Variants in IGSF5 observed in about 807,000 individuals in gnomAD.
IGSF5 encodes immunoglobulin superfamily 5 like.
IGSF5 carries 41 observed loss-of-function variants against 39.4 expected under a neutral mutation model. That is an observed-to-expected ratio of 1.04 (90% CI 0.81 to 1.35). The LOEUF (loss-of-function observed/expected upper bound fraction) is 1.35, where lower values mean the gene tolerates loss of function less well. Ranked by LOEUF, IGSF5 falls within the 40% of genes most tolerant of loss-of-function variation. The pLI is 0.00. For missense variants in IGSF5, 487 were observed against 494.6 expected (o/e 0.98, Z 0.15); for synonymous variants, 183 against 175.3 (o/e 1.04, Z -0.34).
the IGSF5 span, among the ~76,000 whole-genome samples, chr21:39,724,488 A>G: frequency 6.6e-6 from 1 of 152,112 alleles, no homozygotes; most frequent in African/African-American, 2.4e-5. Context: ...TGTGATAGTG[A>G]ATAAGTCTCA....
chr21:39,746,978 G>C (rs1338518172), intron 2 of IGSF5, among the ~76,000 whole-genome samples: 1 of 152,212 alleles, frequency 6.6e-6, no homozygotes, highest in East Asian at 1.9e-4. Flanking sequence ...CAGCCCAAGG[G>C]CAGGCACTTG....
chr21:39,792,824 T>C (rs1429940321), intron 7 of IGSF5, among the ~76,000 whole-genome samples: 3 of 152,254 alleles, frequency 2.0e-5, no homozygotes, highest in Middle Eastern at 3.4e-3. Context: ...CAGTTGAGTA[T>C]TGAAGGCCGA....
Position 39,771,101 on chromosome 21 carries a change from A to G in IGSF5, c.604A>G (p.Ile202Val). ...CAGCGACCTTCAAAGTGCAGTGAGC[A>G]TCCTGGCTCTGACCCCACAGAGCAA... ...EPSDLQSAVSILALTPQSNGT... is the reference protein window; with the variant it reads ...EPSDLQSAVSVLALTPQSNGT... Residue 202 changes from isoleucine (I) to valine (V), a missense_variant, in exon 4 of 9, where the codon ATC becomes GTC. Transcript: ENST00000380588. 1 of 1,613,646 alleles carries G rather than the reference A, an allele frequency of 6.2e-7. No homozygotes were observed. Among genetic ancestry groups the G allele is most frequent in the African/African-American group, 1.3e-5 (1 of 75,038 alleles).
intron 2 of IGSF5, among the ~76,000 whole-genome samples, chr21:39,746,714 G>A (rs945969887): frequency 3.9e-5 from 6 of 152,186 alleles, no homozygotes; most frequent in South Asian, 2.1e-4. Flanking sequence ...TGATGCTTGC[G>A]TGCTGTGAAT....
chr21:39,743,269 G>A (rs898957445), upstream of IGSF5, among the ~76,000 whole-genome samples: 1 of 152,190 alleles, frequency 6.6e-6, no homozygotes, highest in South Asian at 2.1e-4. Context: ...AGATACCAGA[G>A]ATCGCCAAAC....
the IGSF5 span, among the ~76,000 whole-genome samples, chr21:39,722,750 A>T: frequency 6.6e-6 from 1 of 152,146 alleles, no homozygotes; most frequent in Non-Finnish European, 1.5e-5. Flanking sequence ...TTGTCTTCAT[A>T]ACACTTTCTA....
At chr21:39,779,343 G>T in intron 5 of IGSF5, 38 bp downstream of exon 5, 1 of 1,595,040 alleles carries the variant, frequency 6.3e-7, no homozygotes. Context: ...ACATACTTCT[G>T]AACTTTTGGT....
chr21:39,734,437 A>ATACACAC, the IGSF5 span, among the ~76,000 whole-genome samples: 7 of 59,530 alleles, frequency 1.2e-4, no homozygotes, highest in African/African-American at 3.1e-4. Context: ...AAAAAAAAAA[A>ATACACAC]ATACACACAC....
intron 4 of IGSF5, among the ~76,000 whole-genome samples, chr21:39,771,736 T>C (rs192319244): frequency 6.3e-4 from 96 of 152,334 alleles, no homozygotes; most frequent in Non-Finnish European, 3.5e-4. Flanking sequence ...TGACAGAACT[T>C]TAAAGTTTAG....
At chr21:39,758,997 A>G (rs1257120086) in intron 2 of IGSF5, among the ~76,000 whole-genome samples, 4 of 152,234 alleles carry the variant, frequency 2.6e-5, no homozygotes, top group Admixed American at 2.6e-4. Context: ...CATTCAGTGG[A>G]CAACTCCTTT....
intron 2 of IGSF5, among the ~76,000 whole-genome samples, chr21:39,757,855 G>A (rs1311180518): frequency 1.3e-5 from 2 of 152,142 alleles, no homozygotes; most frequent in Non-Finnish European, 2.9e-5. Context: ...GGAATTACAG[G>A]CGTGAGCCAC....
chr21:39,719,569 G>A, the IGSF5 span, among the ~76,000 whole-genome samples: 1 of 152,116 alleles, frequency 6.6e-6, no homozygotes, highest in Non-Finnish European at 1.5e-5. Flanking sequence ...TCTTGTTCAG[G>A]CTGATAATTG....
At position 39,779,309 on chromosome 21, in the gene IGSF5, A is replaced by G. The variant is rs1325105958; in HGVS notation, c.934+4A>G. The G allele has an allele frequency of 6.2e-7, 1 of 1,610,626 alleles. No homozygotes were observed. The highest frequency in any genetic ancestry group is 8.5e-7 in the Non-Finnish European group (1 of 1,177,810). On this transcript the variant is annotated splice_donor_region_variant and intron_variant, in intron 5 of 8. Coordinates refer to ENST00000380588, the MANE Select transcript of IGSF5 (RefSeq NM_001080444.2). Reference sequence around the variant, plus strand: ...TTCTGCTGTAGAAGAAAAAGAGGTAATTTTTTTGTTCATTTACATTTGTAC... The same window carrying G: ...TTCTGCTGTAGAAGAAAAAGAGGTAGTTTTTTTGTTCATTTACATTTGTAC...
rs552242236 is a variant in IGSF5 at position 39,775,747 on chromosome 21, T to C, written c.719-3343T>C. On this transcript the variant is annotated intron_variant, in intron 4 of 8. Coordinates refer to ENST00000380588, the MANE Select transcript of IGSF5 (RefSeq NM_001080444.2). ...TGTGGGTTACTCAGGTATAGTATAC[T>C]CATCCTCTCCAGCAAACCTGCCATT... 2.9e-4 allele frequency among the ~76,000 whole-genome samples: 44 copies of C among 152,276 alleles called. No homozygotes were observed. In the Middle Eastern group the frequency reaches 0.01, roughly 35 times the overall value.
chr21:39,763,528 G>A (rs576662042), intron 2 of IGSF5, among the ~76,000 whole-genome samples: 3 of 152,276 alleles, frequency 2.0e-5, no homozygotes, highest in South Asian at 2.1e-4. Flanking sequence ...TGTGGCCTCC[G>A]GGGTACATAA....
chr21:39,759,264 G>T lies in IGSF5; in HGVS notation c.101-6271G>T, dbSNP rs180803421. Among the ~76,000 whole-genome samples the T allele has an allele frequency of 3.0e-3, 453 of 152,302 alleles. 2 individuals are homozygous for T. The highest frequency in any genetic ancestry group is 9.7e-3 in the African/African-American group (402 of 41,560). ...GGGTCTATTTACACATTAAATCTAAGAGCACCAGAATGTGGTGTCAAAATG... is the reference window on the plus strand; with the variant it reads ...GGGTCTATTTACACATTAAATCTAATAGCACCAGAATGTGGTGTCAAAATG... On this transcript the variant is annotated intron_variant, in intron 2 of 8. Transcript: ENST00000380588.
At chr21:39,799,864 T>C (rs2087019454) in intron 8 of IGSF5, among the ~76,000 whole-genome samples, 1 of 152,146 alleles carries the variant, frequency 6.6e-6, no homozygotes, top group Non-Finnish European at 1.5e-5. Context: ...CAATCATGGA[T>C]TAAATTGTAA....
intron 8 of IGSF5, among the ~76,000 whole-genome samples, chr21:39,798,987 A>G (rs185157219): frequency 1.3e-5 from 2 of 152,314 alleles, no homozygotes; most frequent in East Asian, 1.9e-4. Flanking sequence ...CAAAGGCCAG[A>G]CACTGTGGCC....
intron 2 of IGSF5, among the ~76,000 whole-genome samples, chr21:39,764,701 C>A (rs1021760235): frequency 6.6e-6 from 1 of 152,136 alleles, no homozygotes; most frequent in African/African-American, 2.4e-5. Flanking sequence ...TTTGGGGCTA[C>A]CCAGTGTATA....
Sources: allele counts gnomAD v4.1 joint callset (sites outside exome capture counted in the v4.1 genomes callset), GRCh38; gene constraint gnomAD v4.1.1; transcripts MANE v1.5; gene names NCBI Gene and HGNC (gene_info 2026-07-23, HGNC 2026-07-21).